Variants in MORN3 observed in about 807,000 individuals in gnomAD.
The protein encoded by MORN3 is MORN repeat-containing protein 3.
In MORN3, 38 loss-of-function variants were observed where a neutral mutation model predicts 34.7. The ratio of observed to expected loss-of-function variants is 1.10; its 90% confidence interval spans 0.85 to 1.44. The LOEUF (loss-of-function observed/expected upper bound fraction) is 1.44, where lower values mean the gene tolerates loss of function less well. Ranked by LOEUF, MORN3 falls within the 40% of genes most tolerant of loss-of-function variation. The pLI, the probability that MORN3 is intolerant of heterozygous loss-of-function variation, is 0.00. For synonymous variants in MORN3, 109 were observed against 115.3 expected, an observed-to-expected ratio of 0.95 and a Z score of 0.35; for missense variants, 311 against 321.7, an observed-to-expected ratio of 0.97 and a Z score of 0.25.
intron 2 of MORN3, among the ~76,000 whole-genome samples, chr12:121,656,800 C>T (rs937720391): frequency 3.9e-5 from 6 of 152,140 alleles, no homozygotes; most frequent in Non-Finnish European, 8.8e-5. Flanking sequence ...GGATTACAGG[C>T]GTGAGCCATT....
At chr12:121,672,263 A>G (rs769468308), upstream of MORN3, among the ~76,000 whole-genome samples, 2 of 151,872 alleles carry the variant, frequency 1.3e-5, no homozygotes, top group Non-Finnish European at 2.9e-5. Flanking sequence ...GTTGGAGACC[A>G]GCCTGGGCAA....
chr12:121,658,766 C>T (rs1893488992), intron 2 of MORN3, among the ~76,000 whole-genome samples: 1 of 151,930 alleles, frequency 6.6e-6, no homozygotes, highest in African/African-American at 2.4e-5. Flanking sequence ...GGCTTCGGCC[C>T]CCCGGGACCC....
rs371571499 is a variant in MORN3, at chr12:121,659,225, A to G, written c.269T>C (p.Val90Ala). 5 of 1,612,808 alleles carry G rather than the reference A, an allele frequency of 3.1e-6. No homozygotes were observed. Among genetic ancestry groups the G allele is most frequent in the Non-Finnish European group, 4.2e-6 (5 of 1,179,684 alleles). The change falls in exon 2 of 6, where the codon GTC (valine) becomes GCC (alanine). Residue 90 changes from valine (V) to alanine (A), a missense_variant. Coordinates refer to ENST00000355329, the MANE Select transcript of MORN3 (RefSeq NM_173855.5). ...ATCACCTTTCCACCAGCCTGAGTAGACTCTCCTGCACTTTCCTGTCTGTTG... is the reference window on the plus strand; with the variant it reads ...ATCACCTTTCCACCAGCCTGAGTAGGCTCTCCTGCACTTTCCTGTCTGTTG... ...PDQQTGKCRR[V>A]YSGWWKGDKK...
At chr12:121,670,937 C>G (rs1467295354), upstream of MORN3, among the ~76,000 whole-genome samples, 1 of 150,984 alleles carries the variant, frequency 6.6e-6, no homozygotes, top group Non-Finnish European at 1.5e-5. Context: ...ATGGCGAAAC[C>G]CTGTCTGTAC....
chr12:121,659,965 G>C (rs1476618905), intron 1 of MORN3, among the ~76,000 whole-genome samples: 2 of 151,836 alleles, frequency 1.3e-5, no homozygotes, highest in African/African-American at 4.8e-5. Flanking sequence ...TGGGTGCAGT[G>C]GCTCGAGCCT....
In MORN3 at chr12:121,659,212, C is replaced by G. The variant is rs759041819; in HGVS notation, c.282G>C (p.Trp94Cys). The change falls in exon 2 of 6, where the codon TGG becomes TGC. Residue 94 changes from tryptophan (W) to cysteine (C), a missense_variant. Transcript: ENST00000355329. ...TGKCRRVYSG[W>C]WKGDKKSGYG... Reference sequence around the variant, plus strand: ...TCACCGATTTCTTATCACCTTTCCACCAGCCTGAGTAGACTCTCCTGCACT... The same window carrying G: ...TCACCGATTTCTTATCACCTTTCCAGCAGCCTGAGTAGACTCTCCTGCACT... 1.2e-6 allele frequency: 2 copies of G among 1,613,830 alleles called. No homozygotes were observed. Among genetic ancestry groups the G allele is most frequent in the South Asian group, 1.1e-5 (1 of 91,082 alleles).
Position 121,663,746 on chromosome 12 carries a change from A to G in MORN3, c.146-4398T>C, listed in dbSNP as rs1482963588. On this transcript the variant is annotated intron_variant, in intron 1 of 5. Coordinates refer to ENST00000355329, the MANE Select transcript of MORN3 (RefSeq NM_173855.5). ...AAATACGATGTCAATGTTAGCCTTT[A>G]TTGGTTTTTTTTATTTTTTTATTTT... Among the ~76,000 whole-genome samples, 3 of 150,904 alleles carry G rather than the reference A, an allele frequency of 2.0e-5. No individual in the cohort carries two copies. In the East Asian group the frequency reaches 5.8e-4, roughly 29 times the overall value.
rs782699752 is a variant in MORN3, at chr12:121,653,228, C to G, written c.495G>C (p.Glu165Asp). The G allele has an allele frequency of 6.2e-7, 1 of 1,614,202 alleles. No homozygotes were observed. The highest frequency in any genetic ancestry group is 8.5e-7 in the Non-Finnish European group (1 of 1,180,038). The change falls in exon 4 of 6, where the codon GAG becomes GAC. Residue 165 changes from glutamate (E) to aspartate (D), a missense_variant. Glu to Asp is a conservative substitution (Grantham distance 45, BLOSUM62 2). Coordinates refer to ENST00000355329, the MANE Select transcript of MORN3 (RefSeq NM_173855.5). ...GCCCCGCCCCGTTCTTCATGCCTCT[C>G]TCCCAGCAGCCCTCGTAGCGGTTCC... is the stretch of plus-strand genomic sequence containing the variant. ...KNGNRYEGCW[E>D]RGMKNGAGRF...
At chr12:121,663,122 CACAA>C (rs1893635280) in intron 1 of MORN3, among the ~76,000 whole-genome samples, 1 of 151,894 alleles carries the variant, frequency 6.6e-6, no homozygotes, top group African/African-American at 2.4e-5. Flanking sequence ...TCTCCCCACA[CACAA>C]ACAAAATGGT....
chr12:121,653,434 GC>G (rs782589943), intron 3 of MORN3, among the ~76,000 whole-genome samples, 175 bp from the exon 4 acceptor site: 3 of 150,886 alleles, frequency 2.0e-5, no homozygotes, highest in Non-Finnish European at 4.4e-5. Flanking sequence ...CCACATCTCT[GC>G]AAAAAAAAAA....
rs1893191552 is a variant in MORN3, at chr12:121,648,912, T to TA, written c.*2738dup. 6.6e-6 allele frequency: 1 copy of TA among 151,370 alleles called. No homozygotes were observed. 9.4% of individuals were successfully genotyped at this position (151,370 alleles called of 1,614,324 possible). A position where few individuals can be genotyped will look rare whatever the true frequency, so the allele number is the denominator to read the frequency against. On this transcript the variant is annotated 3_prime_UTR_variant, in exon 6 of 6. Transcript: ENST00000355329. ...TTTAAATCTAGCGACATTTTGTACATAAACAAGCACACCCTCTTCCAACAT... is the reference window on the plus strand; with the variant it reads ...TTTAAATCTAGCGACATTTTGTACATAAAACAAGCACACCCTCTTCCAACAT...
chr12:121,661,387 C>T (rs970724459), intron 1 of MORN3, among the ~76,000 whole-genome samples: 1 of 152,120 alleles, frequency 6.6e-6, no homozygotes, highest in Non-Finnish European at 1.5e-5. Flanking sequence ...GTACACCGAG[C>T]TTAATACATA....
chr12:121,654,391 C>T lies in MORN3; in HGVS notation c.346G>A (p.Gly116Ser), dbSNP rs1893353645. The T allele has an allele frequency of 6.2e-7, 1 of 1,601,312 alleles. No individual in the cohort carries two copies. The highest frequency in any genetic ancestry group is 8.5e-7 in the Non-Finnish European group (1 of 1,174,328). The part of the protein sequence containing the change: ...QFFGPKEYYE[G>S]DWCGSQRSGW... Reference sequence around the variant, plus strand: ...CTGCGCTGGCTGCCACACCAGTCACCCTCATAATACTCCTTGGGTCCGAAA... The same window carrying T: ...CTGCGCTGGCTGCCACACCAGTCACTCTCATAATACTCCTTGGGTCCGAAA... The change falls in exon 3 of 6, where the codon GGT becomes AGT. Residue 116 changes from glycine to serine, a missense_variant. Gly to Ser is a moderately conservative substitution (Grantham distance 56). Transcript: ENST00000355329.
At chr12:121,654,509 C>A in intron 2 of MORN3, 76 bp from the exon 3 acceptor site, 1 of 1,458,496 alleles carries the variant, frequency 6.9e-7, no homozygotes, top group Non-Finnish European at 9.2e-7. Flanking sequence ...CCCAGGCACC[C>A]CTAGAGCCAC....
chr12:121,654,952 G>C (rs543329733), intron 2 of MORN3, among the ~76,000 whole-genome samples: 1 of 151,782 alleles, frequency 6.6e-6, no homozygotes, highest in African/African-American at 2.4e-5. Context: ...CTCTGCTGGC[G>C]CCTCCATGCA....
chr12:121,660,193 CG>C (rs1893536325), intron 1 of MORN3, among the ~76,000 whole-genome samples: 1 of 141,456 alleles, frequency 7.1e-6, no homozygotes, highest in Non-Finnish European at 1.5e-5. Context: ...GAGATGACGT[CG>C]TTGCAGTGAG....
At chr12:121,663,199 C>CA (rs1893637538) in intron 1 of MORN3, among the ~76,000 whole-genome samples, 1 of 140,054 alleles carries the variant, frequency 7.1e-6, no homozygotes, top group South Asian at 2.3e-4. Flanking sequence ...GAAATGTAGA[C>CA]TTTTTTTTTT....
chr12:121,652,212 G>A (rs1288115051), intron 5 of MORN3, among the ~76,000 whole-genome samples: 2 of 151,670 alleles, frequency 1.3e-5, no homozygotes, highest in Admixed American at 1.3e-4. Flanking sequence ...GGGATTACAG[G>A]ATTATAGGAT....
chr12:121,656,632 C>T (rs950639248), intron 2 of MORN3, among the ~76,000 whole-genome samples: 2 of 152,030 alleles, frequency 1.3e-5, no homozygotes, highest in Non-Finnish European at 1.5e-5. Context: ...CTAATGTCTC[C>T]GTCTCCCTAG....
Sources: allele counts gnomAD v4.1 joint callset (sites outside exome capture counted in the v4.1 genomes callset), GRCh38; gene constraint gnomAD v4.1.1; transcripts MANE v1.5; gene names NCBI Gene and HGNC (gene_info 2026-07-23, HGNC 2026-07-21).